The following CCNT2 variants were observed in gnomAD, a reference collection of about 807,000 sequenced individuals.
CCNT2 encodes the protein cyclin-T2.
Under a neutral mutation model 70.0 loss-of-function variants are expected in CCNT2, and 18 were observed. That is an observed-to-expected ratio of 0.26 (90% CI 0.18 to 0.38). The LOEUF is 0.38. Ranked by LOEUF, CCNT2 falls within the 10% of genes least tolerant of loss-of-function variation. The pLI is 1.00. For missense variants in CCNT2, 734 were observed against 890.2 expected (o/e 0.82, Z 2.23); for synonymous variants, 334 against 313.3 (o/e 1.07, Z -0.70).
At chr2:134,944,687 T>C in intron 5 of CCNT2, 1 of 983,366 alleles carries the variant, frequency 1.0e-6, no homozygotes, top group South Asian at 4.7e-5. Context: ...TTTGTCTGAC[T>C]AACATTTCAG....
At chr2:134,942,388 T>C (rs1221670578) in intron 4 of CCNT2, among the ~76,000 whole-genome samples, 16 of 152,182 alleles carry the variant, frequency 1.1e-4, no homozygotes. Context: ...ATTCAGAATT[T>C]TGAATAAATT....
chr2:134,929,831 A>G (rs893368200), intron 2 of CCNT2, among the ~76,000 whole-genome samples: 3 of 151,490 alleles, frequency 2.0e-5, no homozygotes, highest in Admixed American at 6.6e-5. Context: ...TTGTATTTTT[A>G]GTAATGGCAG....
At position 134,954,420 on chromosome 2, in the gene CCNT2, ATCCTCT is replaced by A; in HGVS notation, c.1966_1971del (p.Ser656_Ser657del). The stretch of plus-strand genomic sequence containing the variant: ...CTTCCTCCTCTGTTAAGCAGTATAT[ATCCTCT>A]CACAACTCTGTTTTTAACCATCCCT... On this transcript the variant is annotated inframe_deletion, in exon 9 of 9. Transcript: ENST00000264157. 1 of 1,613,960 alleles carries A rather than the reference ATCCTCT, an allele frequency of 6.2e-7. No homozygotes were observed. The highest frequency in any genetic ancestry group is 8.5e-7 in the Non-Finnish European group (1 of 1,179,854).
At chr2:134,936,227 ATTAT>A (rs992928377) in intron 2 of CCNT2, among the ~76,000 whole-genome samples, 1 of 149,240 alleles carries the variant, frequency 6.7e-6, no homozygotes, top group African/African-American at 2.5e-5. Context: ...GCAAATTAAT[ATTAT>A]TTAAACTTTC....
chr2:134,949,811 G>GGC (rs548269716), intron 7 of CCNT2, among the ~76,000 whole-genome samples: 4 of 130,676 alleles, frequency 3.1e-5, no homozygotes, highest in Non-Finnish European at 4.9e-5. Flanking sequence ...TCGGGGGGGG[G>GGC]GTGGGGGACA....
intron 2 of CCNT2, among the ~76,000 whole-genome samples, chr2:134,934,123 T>A (rs984276215): frequency 6.6e-6 from 1 of 152,254 alleles, no homozygotes; most frequent in Non-Finnish European, 1.5e-5. Context: ...GAAATAGTTA[T>A]ATATCTGCTA....
At chr2:134,923,342 A>T (rs1038296059) in intron 2 of CCNT2, among the ~76,000 whole-genome samples, 2 of 152,148 alleles carry the variant, frequency 1.3e-5, no homozygotes. Context: ...GTTCATTTCA[A>T]TTCATTGTTA....
rs533974109 is a variant in CCNT2, at chr2:134,928,651, C to T, written c.241-8190C>T. Among the ~76,000 whole-genome samples the T allele has an allele frequency of 2.6e-5, 4 of 151,944 alleles. No individual in the cohort carries two copies. The South Asian group carries it at 8.3e-4, about 32-fold the overall frequency. ...ACCAGCAAATAGAATTACTATTGGCCATTCACACTATAGTAATTCCTTCCA... is the reference window on the plus strand; with the variant it reads ...ACCAGCAAATAGAATTACTATTGGCTATTCACACTATAGTAATTCCTTCCA... On this transcript the variant is annotated intron_variant, in intron 2 of 8. Coordinates refer to ENST00000264157, the MANE Select transcript of CCNT2 (RefSeq NM_058241.3).
rs1188725866 is a variant in CCNT2 at position 134,955,819 on chromosome 2, AAAG to A, written c.*1174_*1176del. The A allele has an allele frequency of 1.0e-5, 1 of 97,672 alleles. No homozygotes were observed. Among genetic ancestry groups the A allele is most frequent in the Non-Finnish European group, 2.4e-5 (1 of 41,352 alleles). 6.1% of individuals were successfully genotyped at this position (97,672 alleles called of 1,614,324 possible). The stretch of plus-strand genomic sequence containing the variant: ...CTTTTATATTCTAACAATAAATAAA[AAAG>A]AAAAGATTACTGACTGTGCATTGTA... On this transcript the variant is annotated 3_prime_UTR_variant, in exon 9 of 9. Transcript: ENST00000264157.
Position 134,954,801 on chromosome 2 carries a change from G to A in CCNT2, c.*153G>A. The A allele has an allele frequency of 1.7e-6, 1 of 599,124 alleles. No individual in the cohort carries two copies. 37.1% of individuals were successfully genotyped at this position (599,124 alleles called of 1,614,324 possible). A position where few individuals can be genotyped will look rare whatever the true frequency, so the allele number is the denominator to read the frequency against. On this transcript the variant is annotated 3_prime_UTR_variant, in exon 9 of 9. Coordinates refer to ENST00000264157, the MANE Select transcript of CCNT2 (RefSeq NM_058241.3). ...GCTTTATTCTTCATTCTGAAAAGAA[G>A]AGATTATAGTAAACAAGTCTTTATC...
At chr2:134,936,473 G>T (rs1024411040) in intron 2 of CCNT2, among the ~76,000 whole-genome samples, 1 of 152,036 alleles carries the variant, frequency 6.6e-6, no homozygotes, top group Non-Finnish European at 1.5e-5. Context: ...GAAGGTTTGG[G>T]CTGGGTACAG....
chr2:134,926,444 C>T (rs527343288), intron 2 of CCNT2, among the ~76,000 whole-genome samples: 1 of 152,090 alleles, frequency 6.6e-6, no homozygotes, highest in Admixed American at 6.5e-5. Context: ...GCTTTTCCTC[C>T]CAATGGTTTC....
chr2:134,947,873 C>A lies in CCNT2; in HGVS notation c.677C>A (p.Pro226His), dbSNP rs1353806208. The A allele has an allele frequency of 2.6e-6, 4 of 1,515,304 alleles. 1 individual carries two copies. The South Asian group carries it at 5.2e-5, about 20-fold the overall frequency. 93.9% of individuals were successfully genotyped at this position (1,515,304 alleles called of 1,614,324 possible). The change falls in exon 7 of 9, where the codon CCT (proline) becomes CAT (histidine). Residue 226 changes from proline (P) to histidine (H), a missense_variant. Physicochemically the swap from Pro to His is moderately conservative, Grantham distance 77 (BLOSUM62 -2). This residue lies in a region of CCNT2 where 161 missense variants were observed against 303.8 expected (regional missense o/e 0.53). Coordinates refer to ENST00000264157, the MANE Select transcript of CCNT2 (RefSeq NM_058241.3). ...AAGCATTGGTGGGAATATGTGGATC[C>A]TACAGTTACTCTAGAATTATTAGAT... ...DGKHWWEYVD[P>H]TVTLELLDEL...
At chr2:134,951,475 T>C (rs1682493220) in intron 7 of CCNT2, among the ~76,000 whole-genome samples, 2 of 152,318 alleles carry the variant, frequency 1.3e-5, no homozygotes, top group Non-Finnish European at 2.9e-5. Context: ...GGTAGAAATT[T>C]ACAATGAAGA....
In CCNT2 at chr2:134,924,121, C is replaced by T. The variant is rs569021099; in HGVS notation, c.240+4230C>T. ...AGGTTTTAAGACTCAGCTGAAGTTG[C>T]TACTCTTTCATAAAGCATTCCCCAG... On this transcript the variant is annotated intron_variant, in intron 2 of 8. Coordinates refer to ENST00000264157, the MANE Select transcript of CCNT2 (RefSeq NM_058241.3). Among the ~76,000 whole-genome samples, 6 of 152,264 alleles carry T rather than the reference C, an allele frequency of 3.9e-5. No individual in the cohort carries two copies. The South Asian group carries it at 1.2e-3, about 32-fold the overall frequency.
Position 134,953,619 on chromosome 2 carries a change from A to G in CCNT2, c.1164A>G (p.Ser388=), listed in dbSNP as rs757351595. The G allele has an allele frequency of 6.2e-7, 1 of 1,613,846 alleles. No homozygotes were observed. Among genetic ancestry groups the G allele is most frequent in the South Asian group, 1.1e-5 (1 of 91,072 alleles). The part of the protein sequence containing the change: ...NINFQQGPSI[S]LHSGLHHRPD... ...ACTTCCAGCAGGGACCTTCTATATC[A>G]CTGCATTCAGGATTACATCACAGAC... The change falls in exon 9 of 9, where the codon TCA becomes TCG. Residue 388 remains serine (S), a synonymous_variant. Transcript: ENST00000264157.
intron 5 of CCNT2, 179 bp downstream of exon 5, chr2:134,942,853 T>C: frequency 7.2e-7 from 1 of 1,386,274 alleles, no homozygotes; most frequent in Non-Finnish European, 9.3e-7. Flanking sequence ...TGATTCTACC[T>C]GGTATGTTAG....
chr2:134,920,937 G>A (rs1274410263), intron 2 of CCNT2, among the ~76,000 whole-genome samples: 1 of 152,156 alleles, frequency 6.6e-6, no homozygotes. Flanking sequence ...TGGCATACAG[G>A]TTTATCTTGG....
intron 5 of CCNT2, chr2:134,945,553 AC>A (rs1300517709): frequency 1.0e-6 from 1 of 985,254 alleles, no homozygotes; most frequent in East Asian, 1.1e-4. Context: ...CTGTATCTGT[AC>A]CCGTATGCTG....
Sources: gnomAD v4.1 joint callset for allele counts (sites outside exome capture counted in the v4.1 genomes callset) on GRCh38, gnomAD v4.1.1 for gene constraint, gnomAD v4.1.1 regional missense constraint, MANE v1.5 for transcripts, NCBI Gene and HGNC (gene_info 2026-07-23, HGNC 2026-07-21) for gene names.